TLN2: variants seen among roughly 807,000 people sequenced by gnomAD.
The protein encoded by TLN2 is talin-2.
TLN2 carries 118 observed loss-of-function variants against 294.7 expected under a neutral mutation model. That is an observed-to-expected ratio of 0.40 (90% confidence interval 0.34 to 0.47). TLN2 has a LOEUF of 0.47. Ranked by LOEUF, TLN2 falls within the 20% of genes least tolerant of loss-of-function variation. The probability of loss-of-function intolerance (pLI) is 0.84; values close to 1 mark genes in which losing one functional copy is unlikely to be tolerated. For synonymous variants in TLN2, 1,431 were observed against 1,304.5 expected (o/e 1.10, Z -2.09); for missense variants, 3,083 against 3,282.2 (o/e 0.94, Z 1.48).
chr15:62,569,226 G>A lies in TLN2; in HGVS notation c.-237-20461G>A, dbSNP rs185928802. ...CTCTTCTCTCGATATCCCTAATTAC[G>A]TCTGCAAATATCATTTTCCAAAATA... On this transcript the variant is annotated intron_variant, in intron 1 of 58. Transcript: ENST00000636159. 2.4e-3 allele frequency among the ~76,000 whole-genome samples: 369 copies of A among 152,190 alleles called. 3 individuals are homozygous for A. Among genetic ancestry groups the A allele is most frequent in the African/African-American group, 8.7e-3 (360 of 41,528 alleles).
intron 1 of TLN2, among the ~76,000 whole-genome samples, chr15:62,551,627 A>G (rs1006141003): frequency 2.6e-5 from 4 of 152,182 alleles, no homozygotes; most frequent in Non-Finnish European, 4.4e-5. Context: ...TGAACCTGGG[A>G]GATGGAGGTT....
At chr15:62,551,309 G>A (rs2042287480) in intron 1 of TLN2, among the ~76,000 whole-genome samples, 1 of 152,102 alleles carries the variant, frequency 6.6e-6, no homozygotes, top group Non-Finnish European at 1.5e-5. Context: ...CTGGGGATTG[G>A]GGACCCCTGC....
intron 11 of TLN2, among the ~76,000 whole-genome samples, chr15:62,681,541 T>C (rs28575211): frequency 0.035 from 5,301 of 152,258 alleles, 304 homozygotes; most frequent in African/African-American, 0.12. Context: ...TTTATGTCAT[T>C]GTAATAGAGC....
At chr15:62,831,337 G>A (rs2068824355) in intron 54 of TLN2, 1 of 152,082 alleles carries the variant, frequency 6.6e-6, no homozygotes, top group African/African-American at 2.4e-5. Flanking sequence ...TTCCTCATCT[G>A]CAAAATGAGA....
chr15:62,750,586 T>C, intron 34 of TLN2, 95 bp downstream of exon 34: 1 of 1,055,366 alleles, frequency 9.5e-7, no homozygotes, highest in Non-Finnish European at 1.5e-6. Flanking sequence ...CTGTGGCTGG[T>C]CTGCAGGGCT....
chr15:62,694,238 A>C (rs1567374446), intron 13 of TLN2, 78 bp from the exon 14 acceptor site: 1 of 1,341,522 alleles, frequency 7.5e-7, no homozygotes. Context: ...CAGCCTCCCA[A>C]AGTGCTGGGA....
At chr15:62,775,973 C>A (rs1183784078) in intron 42 of TLN2, among the ~76,000 whole-genome samples, 1 of 152,232 alleles carries the variant, frequency 6.6e-6, no homozygotes, top group Non-Finnish European at 1.5e-5. Context: ...AGGAGGACTC[C>A]AAGCCCAGGG....
At chr15:62,544,093 T>C (rs1356964100) in intron 1 of TLN2, among the ~76,000 whole-genome samples, 2 of 152,190 alleles carry the variant, frequency 1.3e-5, no homozygotes, top group Non-Finnish European at 1.5e-5. Flanking sequence ...CTATCACGCT[T>C]TGTATAATAA....
intron 4 of TLN2, among the ~76,000 whole-genome samples, chr15:62,649,639 T>A (rs982399150): frequency 6.6e-6 from 1 of 152,162 alleles, no homozygotes. Flanking sequence ...GAGGGGTCAC[T>A]GGAGACGTAA....
chr15:62,455,702 T>A (rs56165896), intron 1 of TLN2, among the ~76,000 whole-genome samples: 81,017 of 152,040 alleles, frequency 0.53, 22,732 homozygotes, highest in Non-Finnish European at 0.64. Context: ...CTGTCACGGG[T>A]CACTGCTTAT....
intron 42 of TLN2, among the ~76,000 whole-genome samples, chr15:62,773,288 C>T (rs1035487720): frequency 1.4e-5 from 1 of 73,304 alleles, no homozygotes; most frequent in Non-Finnish European, 2.5e-5. Flanking sequence ...ATAGAGCACA[C>T]ACAGTCAGCA....
chr15:62,755,288 G>A (rs1251278645), intron 36 of TLN2: 2 of 456,038 alleles, frequency 4.4e-6, no homozygotes, highest in South Asian at 3.2e-5. Flanking sequence ...GACTACCTGG[G>A]GCTCAGCCTA....
intron 1 of TLN2, among the ~76,000 whole-genome samples, chr15:62,496,093 C>G (rs529490626): frequency 6.6e-6 from 1 of 152,338 alleles, no homozygotes; most frequent in East Asian, 1.9e-4. Context: ...AGGGTGGATT[C>G]TACGCCAGAT....
At position 62,838,837 on chromosome 15, in the gene TLN2, T is replaced by C. The variant is rs370770161; in HGVS notation, c.7375-19T>C. The stretch of plus-strand genomic sequence containing the variant: ...TGGCTGTTTCTAATGATATAATGTA[T>C]GTTTTGTTCACTCTCCAGGCGGCAG... On this transcript the variant is annotated intron_variant, in intron 57 of 58. Transcript: ENST00000636159. The C allele has an allele frequency of 6.2e-7, 1 of 1,607,688 alleles. No homozygotes were observed. The highest frequency in any genetic ancestry group is 8.5e-7 in the Non-Finnish European group (1 of 1,179,384).
rs1486715807 is a variant in TLN2, at chr15:62,761,661, T to G, written c.4639-20T>G. On this transcript the variant is annotated intron_variant, in intron 37 of 58. Coordinates refer to ENST00000636159, the MANE Select transcript of TLN2 (RefSeq NM_015059.3). Reference sequence around the variant, plus strand: ...TTGTGCTTCTCAATTGGGCAGAATCTCCCTGTTTTCTCCCATCAGGCCCTG... The same window carrying G: ...TTGTGCTTCTCAATTGGGCAGAATCGCCCTGTTTTCTCCCATCAGGCCCTG... The G allele has an allele frequency of 1.9e-6, 3 of 1,614,052 alleles. No homozygotes were observed. Among genetic ancestry groups the G allele is most frequent in the Non-Finnish European group, 2.5e-6 (3 of 1,179,998 alleles).
At chr15:62,529,522 CTCTTGTTTTTTTTAT>C (rs1281377000) in intron 1 of TLN2, among the ~76,000 whole-genome samples, 49 of 148,994 alleles carry the variant, frequency 3.3e-4, no homozygotes, top group African/African-American at 1.1e-3. Flanking sequence ...TCCCTTGCCT[CTCTTGTTTTTTTTAT>C]TTTTTTTCTC....
chr15:62,604,921 A>G (rs2047310858), intron 2 of TLN2, among the ~76,000 whole-genome samples: 1 of 151,954 alleles, frequency 6.6e-6, no homozygotes, highest in Admixed American at 6.6e-5. Flanking sequence ...CCTTTCCCCC[A>G]TTAAGAAACC....
intron 1 of TLN2, among the ~76,000 whole-genome samples, chr15:62,471,237 T>C (rs2037455459): frequency 6.6e-6 from 1 of 152,124 alleles, no homozygotes; most frequent in Admixed American, 6.5e-5. Flanking sequence ...CTCGGGGGAC[T>C]GAGAGGTGGG....
chr15:62,696,622 C>T (rs1050223019), intron 14 of TLN2, among the ~76,000 whole-genome samples: 12 of 152,104 alleles, frequency 7.9e-5, no homozygotes, highest in African/African-American at 2.4e-4. Context: ...GCAGGAGAAT[C>T]GCTTGAACCC....
Sources: gnomAD v4.1 joint callset for allele counts (sites outside exome capture counted in the v4.1 genomes callset) on GRCh38, gnomAD v4.1.1 for gene constraint, MANE v1.5 for transcripts, NCBI Gene and HGNC (gene_info 2026-07-23, HGNC 2026-07-21) for gene names.